ZNF415: variants seen among roughly 807,000 people sequenced by gnomAD.
ZNF415 encodes zinc finger protein 415.
ZNF415 carries 5 observed loss-of-function variants against 7.3 expected under a neutral mutation model. The ratio of observed to expected loss-of-function variants is 0.69; its 90% CI spans 0.36 to 1.44. The LOEUF is 1.44. ZNF415 is among the 40% of genes most tolerant of loss of function. ZNF415 has a pLI of 0.04. For missense variants in ZNF415, 628 were observed against 664.8 expected, an observed-to-expected ratio of 0.94 and a Z score of 0.61; for synonymous variants, 207 against 226.3, an observed-to-expected ratio of 0.91 and a Z score of 0.77.
chr19:53,114,966 C>A (rs2146318652), intron 3 of ZNF415, among the ~76,000 whole-genome samples: 1 of 152,242 alleles, frequency 6.6e-6, no homozygotes, highest in African/African-American at 2.4e-5. Flanking sequence ...GCATGGATAG[C>A]TCCAGGCATC....
At chr19:53,118,807 G>A (rs1355986948) in intron 2 of ZNF415, among the ~76,000 whole-genome samples, 1 of 151,994 alleles carries the variant, frequency 6.6e-6, no homozygotes, top group Non-Finnish European at 1.5e-5. Flanking sequence ...GCAATGCTAA[G>A]AGGGAAGTTT....
chr19:53,124,707 C>T (rs2088740389), intron 1 of ZNF415, among the ~76,000 whole-genome samples: 1 of 152,074 alleles, frequency 6.6e-6, no homozygotes, highest in Admixed American at 6.6e-5. Flanking sequence ...GTAGGGATCC[C>T]AAGCCCTGAG....
intron 1 of ZNF415, among the ~76,000 whole-genome samples, chr19:53,131,563 C>CGT (rs778736035): frequency 3.9e-4 from 60 of 152,122 alleles, no homozygotes; most frequent in South Asian, 2.7e-3. Context: ...TCCCTCGTTC[C>CGT]GTACATCGCT....
In ZNF415 at chr19:53,118,360, G is replaced by A. The variant is rs535064834; in HGVS notation, c.16-1927C>T. On this transcript the variant is annotated intron_variant, in intron 2 of 3. Coordinates refer to ENST00000243643, the MANE Select transcript of ZNF415 (RefSeq NM_018355.4). ...GAGACACAATCCAAAAATAATAATA[G>A]TTAGGGATTTCAGCATTAGACAGCT... Among the ~76,000 whole-genome samples, 7 of 152,262 alleles carry A rather than the reference G, an allele frequency of 4.6e-5. No homozygotes were observed. The East Asian group carries it at 1.3e-3, about 29-fold the overall frequency.
intron 3 of ZNF415, among the ~76,000 whole-genome samples, chr19:53,111,543 A>T (rs1177268947): frequency 2.0e-5 from 3 of 151,790 alleles, no homozygotes; most frequent in African/African-American, 7.3e-5. Context: ...GGGTTTCAGT[A>T]TGTTGGCCAG....
chr19:53,116,584 T>A, intron 2 of ZNF415, 151 bp from the exon 3 acceptor site: 1 of 971,948 alleles, frequency 1.0e-6, no homozygotes, highest in Non-Finnish European at 1.5e-6. Context: ...TGAGTACATA[T>A]CTCTCCCTAA....
intron 1 of ZNF415, among the ~76,000 whole-genome samples, chr19:53,129,259 A>G (rs1308409572): frequency 6.6e-6 from 1 of 152,132 alleles, no homozygotes; most frequent in Non-Finnish European, 1.5e-5. Flanking sequence ...GGACACTGGC[A>G]GGGGCCCTGG....
intron 2 of ZNF415, among the ~76,000 whole-genome samples, chr19:53,119,850 G>A (rs1247743516): frequency 6.6e-6 from 1 of 151,980 alleles, no homozygotes; most frequent in Non-Finnish European, 1.5e-5. Flanking sequence ...ACTGAATCAG[G>A]AAGATTCAGA....
intron 2 of ZNF415, 91 bp from the exon 3 acceptor site, chr19:53,116,524 A>G: frequency 6.6e-7 from 1 of 1,525,604 alleles, no homozygotes; most frequent in South Asian, 1.1e-5. Flanking sequence ...GAATTTAAGT[A>G]TAGATTTAAT....
intron 1 of ZNF415, among the ~76,000 whole-genome samples, chr19:53,130,851 T>G (rs1479347029): frequency 2.0e-5 from 3 of 152,062 alleles, no homozygotes; most frequent in Middle Eastern, 3.4e-3. Context: ...TCACCATCTT[T>G]GCCAGGCTGG....
At chr19:53,114,990 C>T (rs183816122) in intron 3 of ZNF415, among the ~76,000 whole-genome samples, 65 of 152,170 alleles carry the variant, frequency 4.3e-4, no homozygotes, top group Non-Finnish European at 7.8e-4. Context: ...ACTGTGGAGG[C>T]CTCCCCTCTG....
intron 3 of ZNF415, chr19:53,116,090 A>G: frequency 1.6e-6 from 1 of 619,902 alleles, no homozygotes; most frequent in Non-Finnish European, 2.8e-6. Flanking sequence ...GCTTTCATGG[A>G]TACTTCAGCT....
At chr19:53,122,880 C>G in intron 1 of ZNF415, 137 bp from the exon 2 acceptor site, 3 of 627,396 alleles carry the variant, frequency 4.8e-6, no homozygotes, top group East Asian at 5.3e-5. Flanking sequence ...CAGGGTGGCC[C>G]CAGGGACAAG....
chr19:53,115,592 AAG>A, intron 3 of ZNF415: 4 of 804,614 alleles, frequency 5.0e-6, no homozygotes, highest in Non-Finnish European at 8.1e-6. Context: ...AATTTCCTCT[AAG>A]AGCTCACAGG....
intron 3 of ZNF415, among the ~76,000 whole-genome samples, chr19:53,111,349 T>C (rs953265129): frequency 2.0e-5 from 3 of 148,340 alleles, no homozygotes; most frequent in African/African-American, 7.4e-5. Context: ...TCTTTTTTTT[T>C]TTTTTTTTTT....
intron 3 of ZNF415, chr19:53,115,685 C>A: frequency 6.6e-7 from 1 of 1,526,642 alleles, no homozygotes; most frequent in Non-Finnish European, 8.9e-7. Context: ...GCTTCCTCTC[C>A]CCTCATCTGA....
chr19:53,116,095 T>A, intron 3 of ZNF415: 1 of 629,302 alleles, frequency 1.6e-6, no homozygotes, highest in South Asian at 2.0e-5. Context: ...CATGGATACT[T>A]CAGCTCTGGA....
At chr19:53,132,734 G>A (rs908539299) in intron 1 of ZNF415, 122 bp downstream of exon 1, 2 of 152,332 alleles carry the variant, frequency 1.3e-5, no homozygotes, top group Non-Finnish European at 2.9e-5. Context: ...CCCACACTGC[G>A]AGGCCTGTAT....
chr19:53,109,163 G>A lies in ZNF415; in HGVS notation c.882C>T (p.His294=), dbSNP rs1259599450. 6.2e-7 allele frequency: 1 copy of A among 1,613,690 alleles called. No individual in the cohort carries two copies. The highest frequency in any genetic ancestry group is 1.3e-5 in the African/African-American group (1 of 74,824). The part of the protein sequence containing the change: ...NSCLALHRRV[H]TGEKPYKCYE... ...AACATTTGTAAGGTTTCTCTCCAGT[G>A]TGAACTCTCCGATGTAGTGCAAGGC... Residue 294 remains histidine (H), a synonymous_variant, in exon 4 of 4, where the codon CAC becomes CAT. Coordinates refer to ENST00000243643, the MANE Select transcript of ZNF415 (RefSeq NM_018355.4).
Sources: gnomAD v4.1 joint callset for allele counts (sites outside exome capture counted in the v4.1 genomes callset) on GRCh38, gnomAD v4.1.1 for gene constraint, MANE v1.5 for transcripts, NCBI Gene and HGNC (gene_info 2026-07-23, HGNC 2026-07-21) for gene names.